The following DOCK2 variants were observed in gnomAD, a reference collection of about 807,000 sequenced individuals.
DOCK2 encodes the protein dedicator of cytokinesis protein 2.
A neutral mutation model predicts 248.9 loss-of-function variants in DOCK2; 87 were observed. That is an observed-to-expected ratio of 0.35 (90% CI 0.29 to 0.42). The LOEUF (loss-of-function observed/expected upper bound fraction) is 0.42. Among genes scored for constraint, DOCK2 ranks in the 10% least tolerant of loss-of-function variants. The pLI is 1.00. For missense variants in DOCK2, 1,747 were observed against 2,300.2 expected, an observed-to-expected ratio of 0.76 and a Z score of 4.92; for synonymous variants, 805 against 821.6, an observed-to-expected ratio of 0.98 and a Z score of 0.35.
In DOCK2 at chr5:169,886,684, G is replaced by A. The variant is rs534966045; in HGVS notation, c.2799+45832G>A. On this transcript the variant is annotated intron_variant, in intron 27 of 51. Transcript: ENST00000520908. ...CAGAGTAAGCAGTTGAAATTTGTGA[G>A]ATGGTCGCATGCTTAAAAACATGCA... is the stretch of plus-strand genomic sequence containing the variant. 3.3e-5 allele frequency among the ~76,000 whole-genome samples: 5 copies of A among 152,332 alleles called. No homozygotes were observed. In the South Asian group the frequency reaches 1.0e-3, roughly 32 times the overall value.
chr5:170,037,782 G>A (rs569303209), intron 36 of DOCK2, among the ~76,000 whole-genome samples: 61 of 152,208 alleles, frequency 4.0e-4, no homozygotes, highest in African/African-American at 1.3e-3. Context: ...CACTGCGTCC[G>A]GCCACAACAA....
In DOCK2 at chr5:169,714,135, T is replaced by C. The variant is rs34864600; in HGVS notation, c.1767T>C (p.Val589=). ...GATLSRSSSS[V]GGLSVSSRDV... ...CGCTGAGCAGGAGCTCCAGCAGTGTTGGGGGGCTTTCTGTCAGCTCCCGGG... is the reference window on the plus strand; with the variant it reads ...CGCTGAGCAGGAGCTCCAGCAGTGTCGGGGGGCTTTCTGTCAGCTCCCGGG... Residue 589 remains valine (V), a synonymous_variant, in exon 18 of 52, where the codon GTT becomes GTC. Coordinates refer to ENST00000520908, the MANE Select transcript of DOCK2 (RefSeq NM_004946.3). 1,018 of 1,613,834 alleles carry C rather than the reference T, an allele frequency of 6.3e-4. 7 individuals carry two copies. In the African/African-American group the frequency reaches 0.012, roughly 19 times the overall value.
chr5:170,012,833 T>C (rs981256850), intron 32 of DOCK2, among the ~76,000 whole-genome samples: 1 of 152,252 alleles, frequency 6.6e-6, no homozygotes, highest in Non-Finnish European at 1.5e-5. Context: ...TGAGCTGCTG[T>C]ATTAACATTC....
chr5:169,691,166 G>A (rs552484477), intron 9 of DOCK2, among the ~76,000 whole-genome samples: 2 of 152,226 alleles, frequency 1.3e-5, no homozygotes, highest in South Asian at 4.2e-4. Flanking sequence ...CAAGAGACAC[G>A]GGGGAGGTGC....
intron 13 of DOCK2, 75 bp downstream of exon 13, chr5:169,700,214 A>T: frequency 3.2e-6 from 5 of 1,539,520 alleles, no homozygotes; most frequent in Non-Finnish European, 4.4e-6. Context: ...TTTTCCTTCT[A>T]AAGAGTCAAC....
intron 33 of DOCK2, among the ~76,000 whole-genome samples, chr5:170,027,162 C>T (rs1038101721): frequency 3.9e-5 from 6 of 152,012 alleles, no homozygotes; most frequent in African/African-American, 1.4e-4. Context: ...CAAAAAGACT[C>T]ATTTTGCTAA....
At chr5:169,903,750 C>T (rs1030694103) in intron 27 of DOCK2, among the ~76,000 whole-genome samples, 12 of 151,690 alleles carry the variant, frequency 7.9e-5, no homozygotes, top group Non-Finnish European at 1.2e-4. Context: ...AGCTCGGTCA[C>T]TGTAGCAGGA....
chr5:169,901,115 G>A (rs1443181153), intron 27 of DOCK2, among the ~76,000 whole-genome samples: 1 of 152,194 alleles, frequency 6.6e-6, no homozygotes, highest in East Asian at 1.9e-4. Flanking sequence ...TGTGGGTAAG[G>A]GAAGTGCCTT....
intron 26 of DOCK2, among the ~76,000 whole-genome samples, chr5:169,822,739 G>T (rs1768549914): frequency 6.6e-6 from 1 of 152,166 alleles, no homozygotes; most frequent in South Asian, 2.1e-4. Flanking sequence ...ACATTCAAAA[G>T]CTAGCAGAAG....
intron 50 of DOCK2, 48 bp from the exon 51 acceptor site, chr5:170,081,794 C>A: frequency 1.3e-6 from 2 of 1,528,194 alleles, no homozygotes; most frequent in Non-Finnish European, 1.8e-6. Context: ...CAAGGCACTG[C>A]CCCTCCTCTA....
At chr5:169,921,815 C>T (rs1581420476) in intron 27 of DOCK2, among the ~76,000 whole-genome samples, 2 of 152,270 alleles carry the variant, frequency 1.3e-5, no homozygotes, top group South Asian at 4.1e-4. Flanking sequence ...AGCTCTTAAT[C>T]GAACTTTTAA....
chr5:169,755,331 G>GTATATA (rs1206846080), intron 23 of DOCK2, among the ~76,000 whole-genome samples: 1 of 152,056 alleles, frequency 6.6e-6, no homozygotes, highest in Non-Finnish European at 1.5e-5. Flanking sequence ...ATGTGTATAG[G>GTATATA]TATATATATG....
At chr5:169,693,500 A>G (rs955805372) in intron 9 of DOCK2, among the ~76,000 whole-genome samples, 22 of 152,256 alleles carry the variant, frequency 1.4e-4, no homozygotes, top group South Asian at 2.1e-4. Context: ...GAAATAATAG[A>G]TGCGATGTCT....
intron 27 of DOCK2, among the ~76,000 whole-genome samples, chr5:169,946,762 A>G (rs368258960): frequency 6.6e-6 from 1 of 152,224 alleles, no homozygotes; most frequent in Non-Finnish European, 1.5e-5. Context: ...TGAAAGTCAC[A>G]CAGTAGGATC....
At chr5:169,809,879 A>G (rs1246226945) in intron 26 of DOCK2, among the ~76,000 whole-genome samples, 3 of 152,110 alleles carry the variant, frequency 2.0e-5, no homozygotes, top group African/African-American at 7.2e-5. Context: ...TTCCCCTCAG[A>G]AATCAGGTTA....
intron 22 of DOCK2, among the ~76,000 whole-genome samples, chr5:169,735,037 T>A (rs1029990276): frequency 6.6e-6 from 1 of 152,224 alleles, no homozygotes; most frequent in Non-Finnish European, 1.5e-5. Flanking sequence ...TGATAGTTGT[T>A]TTCACTGACA....
At chr5:169,725,245 G>C (rs1306171024) in intron 22 of DOCK2, among the ~76,000 whole-genome samples, 1 of 152,150 alleles carries the variant, frequency 6.6e-6, no homozygotes, top group Non-Finnish European at 1.5e-5. Flanking sequence ...GCAGTTAATG[G>C]AACTATTTTA....
In DOCK2 at chr5:169,718,682, T is replaced by C; in HGVS notation, c.2158T>C (p.Tyr720His). The C allele has an allele frequency of 1.2e-6, 2 of 1,613,794 alleles. No homozygotes were observed. The highest frequency in any genetic ancestry group is 1.7e-5 in the Admixed American group (1 of 60,000). Reference protein sequence around the residue: ...YKKLMTVLKTYLDTSSRGEQC... With the variant: ...YKKLMTVLKTHLDTSSRGEQC... ...GAAATTGATGACAGTGCTGAAGACT[T>C]ACTTGGATACCTCCAGCAGAGGGGA... Residue 720 changes from tyrosine (Y) to histidine (H), a missense_variant, in exon 22 of 52, where the codon TAC becomes CAC. This residue lies in a region of DOCK2 where 858 missense variants were observed against 1,183.5 expected (regional missense o/e 0.72). Transcript: ENST00000520908.
intron 27 of DOCK2, among the ~76,000 whole-genome samples, chr5:169,898,545 A>G (rs1183736912): frequency 6.6e-6 from 1 of 152,112 alleles, no homozygotes; most frequent in African/African-American, 2.4e-5. Context: ...AACAACAACA[A>G]CAACAACAAC....
Sources: allele counts gnomAD v4.1 joint callset (sites outside exome capture counted in the v4.1 genomes callset), GRCh38; gene constraint gnomAD v4.1.1; regional missense constraint gnomAD v4.1.1; transcripts MANE v1.5; gene names NCBI Gene and HGNC (gene_info 2026-07-23, HGNC 2026-07-21).